The following PTH2R variants were observed in gnomAD, a reference collection of about 807,000 sequenced individuals.
The protein encoded by PTH2R is parathyroid hormone 2 receptor.
PTH2R carries 59 observed loss-of-function variants against 60.3 expected under a neutral mutation model. The observed-to-expected ratio is 0.98, with a 90% CI of 0.79 to 1.22. The LOEUF is 1.22. PTH2R is among the 50% of genes most tolerant of loss of function. PTH2R has a pLI of 0.00. For synonymous variants in PTH2R, 256 were observed against 243.8 expected (o/e 1.05, Z -0.47); for missense variants, 749 against 682.6 (o/e 1.10, Z -1.08).
At chr2:208,490,103 A>C (rs1266147355) in intron 11 of PTH2R, among the ~76,000 whole-genome samples, 1 of 151,844 alleles carries the variant, frequency 6.6e-6, no homozygotes, top group African/African-American at 2.4e-5. Context: ...CTCATGTGCT[A>C]TTTGTTTATA....
chr2:208,424,032 A>C (rs1032512300), intron 1 of PTH2R, among the ~76,000 whole-genome samples: 9 of 152,040 alleles, frequency 5.9e-5, no homozygotes, highest in African/African-American at 1.9e-4. Flanking sequence ...GCTGCTCCTC[A>C]TGTGGCCTCC....
At chr2:208,487,556 G>C (rs1423302727) in intron 10 of PTH2R, among the ~76,000 whole-genome samples, 2 of 152,192 alleles carry the variant, frequency 1.3e-5, no homozygotes, top group Non-Finnish European at 1.5e-5. Flanking sequence ...ATGCTTGAGG[G>C]TGCTAGCTAT....
In PTH2R at chr2:208,493,372, A is replaced by C; in HGVS notation, c.1366A>C (p.Thr456Pro). 6.2e-7 allele frequency: 1 copy of C among 1,607,876 alleles called. No individual in the cohort carries two copies. The highest frequency in any genetic ancestry group is 8.5e-7 in the Non-Finnish European group (1 of 1,175,848). ...ATGCGGCTCAGTGCTCACCACCGTG[A>C]CGCACAGCACCAGCAGCCAGTCACA... ...RRCGSVLTTVTHSTSSQSQVA... is the reference protein window; with the variant it reads ...RRCGSVLTTVPHSTSSQSQVA... The change falls in exon 13 of 13, where the codon ACG (threonine) becomes CCG (proline). Residue 456 changes from threonine to proline, a missense_variant. Coordinates refer to ENST00000272847, the MANE Select transcript of PTH2R (RefSeq NM_005048.4).
At chr2:208,453,853 T>A (rs892613784) in intron 8 of PTH2R, among the ~76,000 whole-genome samples, 1 of 152,216 alleles carries the variant, frequency 6.6e-6, no homozygotes, top group Admixed American at 6.5e-5. Context: ...GAAAGGGCTT[T>A]GTAAACTCCA....
intron 6 of PTH2R, among the ~76,000 whole-genome samples, chr2:208,443,997 G>C (rs1204412990): frequency 6.6e-6 from 1 of 152,130 alleles, no homozygotes; most frequent in African/African-American, 2.4e-5. Context: ...TAAATAGATT[G>C]ATCCAATAAT....
chr2:208,397,523 A>G (rs1040729479), intron 1 of PTH2R, among the ~76,000 whole-genome samples: 2 of 152,136 alleles, frequency 1.3e-5, no homozygotes, highest in African/African-American at 4.8e-5. Flanking sequence ...GGAGTGGAGA[A>G]TTGTAATAGG....
At position 208,493,507 on chromosome 2, in the gene PTH2R, G is replaced by T. The variant is rs1447182254; in HGVS notation, c.1501G>T (p.Glu501Ter). Residue 501 changes from glutamate to a stop codon, truncating the protein, a stop_gained, in exon 13 of 13, where the codon GAG becomes TAG. Transcript: ENST00000272847. LOFTEE classifies it low-confidence loss of function (END_TRUNC). Reference protein sequence around the residue: ...TLPGYVWSNSEQDCLPHSFHE... With the variant: ...TLPGYVWSNS ...ACCTGGCTATGTCTGGAGTAACTCAGAGCAGGACTGCCTGCCACACTCTTT... is the reference window on the plus strand; with the variant it reads ...ACCTGGCTATGTCTGGAGTAACTCATAGCAGGACTGCCTGCCACACTCTTT... 6.2e-7 allele frequency: 1 copy of T among 1,613,932 alleles called. No individual in the cohort carries two copies. Among genetic ancestry groups the T allele is most frequent in the Non-Finnish European group, 8.5e-7 (1 of 1,179,900 alleles).
intron 1 of PTH2R, among the ~76,000 whole-genome samples, chr2:208,384,045 T>C (rs1042837571): frequency 2.6e-5 from 4 of 152,216 alleles, no homozygotes; most frequent in African/African-American, 9.7e-5. Flanking sequence ...TTCTGCCTAA[T>C]ATTTAACTTG....
chr2:208,461,893 G>A (rs191986156), intron 9 of PTH2R, among the ~76,000 whole-genome samples: 77 of 152,352 alleles, frequency 5.1e-4, no homozygotes, highest in African/African-American at 1.8e-3. Flanking sequence ...GTTGGCGAAG[G>A]AGAAATAGAA....
intron 9 of PTH2R, among the ~76,000 whole-genome samples, chr2:208,470,715 G>A (rs1702862775): frequency 6.6e-6 from 1 of 152,090 alleles, no homozygotes; most frequent in African/African-American, 2.4e-5. Context: ...AAGTAAATTG[G>A]TATCAGTAGA....
chr2:208,473,873 A>G lies in PTH2R; in HGVS notation c.982-7197A>G, dbSNP rs1172962916. On this transcript the variant is annotated intron_variant, in intron 9 of 12. Coordinates refer to ENST00000272847, the MANE Select transcript of PTH2R (RefSeq NM_005048.4). Reference sequence around the variant, plus strand: ...ATATCCATATTATTGTTTCAATTTTATAACTGACAATACCGGCACACAGAG... The same window carrying G: ...ATATCCATATTATTGTTTCAATTTTGTAACTGACAATACCGGCACACAGAG... 2.0e-5 allele frequency among the ~76,000 whole-genome samples: 3 copies of G among 152,196 alleles called. 1 individual carries two copies. In the South Asian group the frequency reaches 6.2e-4, roughly 31 times the overall value.
intron 1 of PTH2R, among the ~76,000 whole-genome samples, chr2:208,427,638 A>C (rs904751055): frequency 2.1e-4 from 32 of 152,118 alleles, no homozygotes; most frequent in African/African-American, 7.5e-4. Flanking sequence ...GCATCTCCCA[A>C]ACTGTGAAAC....
intron 1 of PTH2R, among the ~76,000 whole-genome samples, chr2:208,378,343 G>C (rs1280228454): frequency 6.6e-6 from 1 of 151,844 alleles, no homozygotes; most frequent in Non-Finnish European, 1.5e-5. Flanking sequence ...GCTTTGGCTC[G>C]GCATCAGAGG....
chr2:208,466,995 CT>C (rs1272336725), intron 9 of PTH2R, among the ~76,000 whole-genome samples: 19 of 152,002 alleles, frequency 1.2e-4, no homozygotes, highest in African/African-American at 4.6e-4. Flanking sequence ...TGATTTTGTT[CT>C]TATTTTTTTT....
chr2:208,415,748 A>G (rs1701628050), intron 1 of PTH2R, among the ~76,000 whole-genome samples: 1 of 152,226 alleles, frequency 6.6e-6, no homozygotes, highest in Non-Finnish European at 1.5e-5. Flanking sequence ...GTCAGAAAAA[A>G]TTAGAAAATT....
chr2:208,432,299 C>G (rs1368793459), intron 2 of PTH2R, among the ~76,000 whole-genome samples: 1 of 152,136 alleles, frequency 6.6e-6, no homozygotes, highest in Admixed American at 6.5e-5. Flanking sequence ...TGCCTTTTCC[C>G]TGTGGGGTTA....
chr2:208,388,882 G>A (rs1256725508), intron 1 of PTH2R, among the ~76,000 whole-genome samples: 1 of 152,132 alleles, frequency 6.6e-6, no homozygotes, highest in Non-Finnish European at 1.5e-5. Context: ...CTTACAGCAG[G>A]GGAGAGAATA....
intron 1 of PTH2R, among the ~76,000 whole-genome samples, chr2:208,396,632 C>T (rs138665602): frequency 4.6e-5 from 7 of 151,968 alleles, no homozygotes; most frequent in Admixed American, 2.0e-4. Context: ...GTTAGAATGG[C>T]GATCATTAAA....
chr2:208,431,367 G>C (rs1246458259), intron 2 of PTH2R, among the ~76,000 whole-genome samples: 1 of 151,950 alleles, frequency 6.6e-6, no homozygotes, highest in Admixed American at 6.6e-5. Flanking sequence ...TCTATAGACT[G>C]CTGGTCAATG....
Sources: gnomAD v4.1 joint callset for allele counts (sites outside exome capture counted in the v4.1 genomes callset) on GRCh38, gnomAD v4.1.1 for gene constraint, MANE v1.5 for transcripts, NCBI Gene and HGNC (gene_info 2026-07-23, HGNC 2026-07-21) for gene names.